The following SGK3 variants were observed in gnomAD, a reference collection of about 807,000 sequenced individuals.
The protein encoded by SGK3 is serine/threonine-protein kinase Sgk3.
Under a neutral mutation model 68.5 loss-of-function variants are expected in SGK3, and 47 were observed. That is an observed-to-expected ratio of 0.69 (90% CI 0.54 to 0.87). The LOEUF (loss-of-function observed/expected upper bound fraction) is 0.87. Among genes scored for constraint, SGK3 ranks in the 40% least tolerant of loss-of-function variants. SGK3 has a pLI of 0.00. For missense variants in SGK3, 479 were observed against 575.5 expected, an observed-to-expected ratio of 0.83 and a Z score of 1.72; for synonymous variants, 181 against 189.1, an observed-to-expected ratio of 0.96 and a Z score of 0.35.
At chr8:66,821,678 A>ATTTTTTTTTTTTTTTTTTT (rs59399048) in intron 5 of SGK3, among the ~76,000 whole-genome samples, 2 of 108,586 alleles carry the variant, frequency 1.8e-5, no homozygotes, top group African/African-American at 3.7e-5. Context: ...ACGCCCGGCT[A>ATTTTTTTTTTTTTTTTTTT]TTTTTTTTTT....
At chr8:66,717,105 T>C (rs1804655940) in intron 1 of SGK3, among the ~76,000 whole-genome samples, 1 of 150,296 alleles carries the variant, frequency 6.7e-6, no homozygotes. Context: ...CTTGGGAGGC[T>C]GAGGCAGGAG....
intron 16 of SGK3, among the ~76,000 whole-genome samples, chr8:66,856,031 C>CT (rs1204802727): frequency 6.6e-6 from 1 of 151,536 alleles, no homozygotes; most frequent in Non-Finnish European, 1.5e-5. Flanking sequence ...AATTTGAACT[C>CT]TAACTCTCAG....
intron 1 of SGK3, among the ~76,000 whole-genome samples, chr8:66,716,287 A>G: frequency 6.6e-6 from 1 of 152,168 alleles, no homozygotes; most frequent in Middle Eastern, 3.2e-3. Flanking sequence ...GTTTTAACTC[A>G]ATGCTAACTT....
chr8:66,827,611 A>G (rs1053982377), intron 6 of SGK3, among the ~76,000 whole-genome samples: 4 of 152,156 alleles, frequency 2.6e-5, no homozygotes, highest in African/African-American at 9.7e-5. Flanking sequence ...TTTATAAAAA[A>G]TGATCACTGA....
intron 1 of SGK3, chr8:66,767,876 A>G (rs746215005): frequency 2.3e-6 from 3 of 1,318,518 alleles, no homozygotes; most frequent in Non-Finnish European, 3.3e-6. Flanking sequence ...CCAAAACATG[A>G]TATTGAAACT....
intron 15 of SGK3, 112 bp downstream of exon 15, chr8:66,847,460 C>A (rs764639724): frequency 2.0e-5 from 29 of 1,447,298 alleles, no homozygotes; most frequent in Admixed American, 2.6e-5. Context: ...CGGAGAATAG[C>A]AACATGGAAA....
At chr8:66,783,369 G>A (rs927108494) in intron 1 of SGK3, among the ~76,000 whole-genome samples, 2 of 152,136 alleles carry the variant, frequency 1.3e-5, no homozygotes, top group African/African-American at 4.8e-5. Context: ...TTTATTGGCT[G>A]TATCTTCTGC....
rs541831180 is a variant in SGK3 at position 66,835,810 on chromosome 8, A to G, written c.573A>G (p.Lys191=). 6.2e-7 allele frequency: 1 copy of G among 1,612,022 alleles called. No individual in the cohort carries two copies. Among genetic ancestry groups the G allele is most frequent in the African/African-American group, 1.3e-5 (1 of 74,964 alleles). ...TGGATGGAAAATTTTATGCTGTCAAAGTGTTACAGAAAAAAATAGTTCTCA... is the reference window on the plus strand; with the variant it reads ...TGGATGGAAAATTTTATGCTGTCAAGGTGTTACAGAAAAAAATAGTTCTCA... ...RKLDGKFYAV[K]VLQKKIVLNR... Residue 191 remains lysine, a synonymous_variant, in exon 9 of 17, where the codon AAA becomes AAG. Coordinates refer to ENST00000521198, the MANE Select transcript of SGK3 (RefSeq NM_001033578.3).
intron 1 of SGK3, among the ~76,000 whole-genome samples, chr8:66,721,400 G>A (rs1044075911): frequency 2.0e-5 from 3 of 152,042 alleles, no homozygotes; most frequent in Non-Finnish European, 4.4e-5. Flanking sequence ...GAAAAGTTCT[G>A]TCTTTTCTCT....
intron 2 of SGK3, among the ~76,000 whole-genome samples, chr8:66,797,613 A>C (rs902950068): frequency 6.6e-6 from 1 of 152,212 alleles, no homozygotes; most frequent in Admixed American, 6.5e-5. Flanking sequence ...AATATTGAAC[A>C]TGGAAGATAA....
At chr8:66,794,544 C>G (rs2130576185) in intron 2 of SGK3, among the ~76,000 whole-genome samples, 1 of 152,202 alleles carries the variant, frequency 6.6e-6, no homozygotes, top group South Asian at 2.1e-4. Context: ...CCCCACCCCC[C>G]TCACCTACTG....
chr8:66,762,594 T>G (rs1002106289), intron 1 of SGK3, among the ~76,000 whole-genome samples: 1 of 152,214 alleles, frequency 6.6e-6, no homozygotes, highest in African/African-American at 2.4e-5. Context: ...TTTATTTTTA[T>G]GATTTCTTAT....
At chr8:66,788,607 T>A (rs1214193931) in intron 1 of SGK3, among the ~76,000 whole-genome samples, 1 of 152,198 alleles carries the variant, frequency 6.6e-6, no homozygotes, top group African/African-American at 2.4e-5. Context: ...ACTGGCAGGC[T>A]CATAGGTTAC....
chr8:66,828,134 A>G (rs1053861312), intron 6 of SGK3, among the ~76,000 whole-genome samples: 1 of 152,170 alleles, frequency 6.6e-6, no homozygotes, highest in South Asian at 2.1e-4. Context: ...AGAAAAAAAA[A>G]AAAGAAAGAA....
Position 66,823,205 on chromosome 8 carries a change from T to A in SGK3, c.417+746T>A, listed in dbSNP as rs191085673. Among the ~76,000 whole-genome samples the A allele has an allele frequency of 5.9e-5, 9 of 152,314 alleles. No homozygotes were observed. In the East Asian group the frequency reaches 1.7e-3, roughly 29 times the overall value. On this transcript the variant is annotated intron_variant, in intron 6 of 16. Coordinates refer to ENST00000521198, the MANE Select transcript of SGK3 (RefSeq NM_001033578.3). ...ATCATTATTGCCACCCTTGAAACTA[T>A]GTTGAATTTTGGCCAACAGAAGAGG...
chr8:66,845,750 G>A (rs998152887), intron 14 of SGK3, among the ~76,000 whole-genome samples: 1 of 150,350 alleles, frequency 6.7e-6, no homozygotes, highest in Non-Finnish European at 1.5e-5. Context: ...TAGAGACAGG[G>A]TGTCGCCATG....
chr8:66,804,552 C>CTT (rs1808074968), intron 4 of SGK3, 105 bp downstream of exon 4: 1 of 1,166,854 alleles, frequency 8.6e-7, no homozygotes, highest in Non-Finnish European at 1.2e-6. Flanking sequence ...TTTAAAAGAT[C>CTT]TTATGCTCTG....
rs942503595 is a variant in SGK3, at chr8:66,734,567, G to A, written c.-122+21734G>A. Among the ~76,000 whole-genome samples, 40 of 152,114 alleles carry A rather than the reference G, an allele frequency of 2.6e-4. 1 individual carries two copies. The highest frequency in any genetic ancestry group is 9.6e-4 in the East Asian group (5 of 5,188). ...TTTTAAATTCTTGCTATTAAAGTTC[G>A]TTTATCATAATTCTATACACAGTAC... On this transcript the variant is annotated intron_variant, in intron 1 of 16. Coordinates refer to ENST00000521198, the MANE Select transcript of SGK3 (RefSeq NM_001033578.3).
intron 3 of SGK3, among the ~76,000 whole-genome samples, chr8:66,803,670 AT>A (rs1031022198): frequency 6.8e-6 from 1 of 146,616 alleles, no homozygotes. Flanking sequence ...ATATATAATT[AT>A]TTTTTTTGAG....
Sources: allele counts gnomAD v4.1 joint callset (sites outside exome capture counted in the v4.1 genomes callset), GRCh38; gene constraint gnomAD v4.1.1; transcripts MANE v1.5; gene names NCBI Gene and HGNC (gene_info 2026-07-23, HGNC 2026-07-21).